Variants in HIVEP3 observed in about 807,000 individuals in gnomAD.
The protein encoded by HIVEP3 is transcription factor HIVEP3.
HIVEP3 carries 49 observed loss-of-function variants against 152.8 expected under a neutral mutation model. That is an observed-to-expected ratio of 0.32 (90% confidence interval 0.26 to 0.41). The LOEUF (loss-of-function observed/expected upper bound fraction) is 0.41, where lower values mean the gene tolerates loss of function less well. Ranked by LOEUF, HIVEP3 falls within the 10% of genes least tolerant of loss-of-function variation. HIVEP3 has a pLI of 1.00. For missense variants in HIVEP3, 2,790 were observed against 3,103.3 expected (o/e 0.90, Z 2.40); for synonymous variants, 1,269 against 1,289.0 (o/e 0.98, Z 0.33).
chr1:41,893,338 C>G (rs1420547799), intron 1 of HIVEP3, among the ~76,000 whole-genome samples: 15 of 152,166 alleles, frequency 9.9e-5, no homozygotes, highest in Non-Finnish European at 2.2e-4. Context: ...CTGCAAAACT[C>G]TCCAGGATAT....
chr1:41,512,751 T>G, intron 8 of HIVEP3, 65 bp downstream of exon 8: 1 of 1,296,170 alleles, frequency 7.7e-7, no homozygotes, highest in Non-Finnish European at 1.0e-6. Flanking sequence ...CCCAGGAGGG[T>G]GTGAACTTGC....
intron 5 of HIVEP3, among the ~76,000 whole-genome samples, chr1:41,553,090 CAGTG>C (rs1643913945): frequency 6.6e-6 from 1 of 152,178 alleles, no homozygotes; most frequent in Admixed American, 6.5e-5. Context: ...CTAGTATTGA[CAGTG>C]GGGAGTTAAA....
intron 1 of HIVEP3, among the ~76,000 whole-genome samples, chr1:41,908,559 T>G (rs577713423): frequency 4.6e-4 from 70 of 152,354 alleles, no homozygotes; most frequent in African/African-American, 1.6e-3. Flanking sequence ...GTTAATAGAC[T>G]TGGCATAGTC....
At chr1:41,544,829 C>CT (rs1558046182) in intron 5 of HIVEP3, among the ~76,000 whole-genome samples, 1 of 72,904 alleles carries the variant, frequency 1.4e-5, no homozygotes, top group South Asian at 4.6e-4. Context: ...CTACCACCAC[C>CT]ATCACCACCA....
At position 41,582,155 on chromosome 1, in the gene HIVEP3, A is replaced by G; in HGVS notation, c.2643T>C (p.Thr881=). 1 of 1,613,946 alleles carries G rather than the reference A, an allele frequency of 6.2e-7. No homozygotes were observed. Among genetic ancestry groups the G allele is most frequent in the Non-Finnish European group, 8.5e-7 (1 of 1,179,944 alleles). ...TGCGCTGGGGCCATTGGAACTCCTCAGTCTTCTCAGGTTCCTTAGGGGGCG... is the reference window on the plus strand; with the variant it reads ...TGCGCTGGGGCCATTGGAACTCCTCGGTCTTCTCAGGTTCCTTAGGGGGCG... ...PEPPPKEPEK[T]EEFQWPQRSQ... The change falls in exon 4 of 9, where the codon ACT becomes ACC. Residue 881 remains threonine (T), a synonymous_variant. Coordinates refer to ENST00000372583, the MANE Select transcript of HIVEP3 (RefSeq NM_024503.5). This position sits in a 1 kb window ranked among gnomAD's most constrained non-coding sequence, Gnocchi z 4.7.
intron 2 of HIVEP3, among the ~76,000 whole-genome samples, chr1:41,690,968 T>C (rs1646189443): frequency 6.6e-6 from 1 of 152,196 alleles, no homozygotes; most frequent in Admixed American, 6.5e-5. Context: ...GGAGCCAGAC[T>C]TCCTGGGTTC....
intron 1 of HIVEP3, among the ~76,000 whole-genome samples, chr1:41,714,831 T>C (rs1328460580): frequency 6.6e-6 from 1 of 152,214 alleles, no homozygotes; most frequent in African/African-American, 2.4e-5. Context: ...AAAAAGAAGA[T>C]GATATGCCAG....
chr1:41,779,903 C>A (rs1648939410), intron 1 of HIVEP3, among the ~76,000 whole-genome samples: 2 of 152,196 alleles, frequency 1.3e-5, no homozygotes, highest in African/African-American at 4.8e-5. Flanking sequence ...CGATGTGCAC[C>A]CCAGCTGTGT....
chr1:41,650,251 GC>G (rs1645527264), intron 2 of HIVEP3, among the ~76,000 whole-genome samples: 1 of 152,134 alleles, frequency 6.6e-6, no homozygotes, highest in African/African-American at 2.4e-5. Flanking sequence ...TAGACTGGCG[GC>G]CCCACAAGGG....
intron 5 of HIVEP3, among the ~76,000 whole-genome samples, chr1:41,530,432 C>G (rs577397008): frequency 6.6e-6 from 1 of 152,366 alleles, no homozygotes; most frequent in Non-Finnish European, 1.5e-5. Flanking sequence ...ATCTTAATTC[C>G]CATGTCCCTC....
At chr1:41,590,063 A>G (rs574269365) in intron 3 of HIVEP3, among the ~76,000 whole-genome samples, 4 of 152,346 alleles carry the variant, frequency 2.6e-5, no homozygotes, top group African/African-American at 7.2e-5. Flanking sequence ...GTGTGCATGT[A>G]TGCATGTGTG....
At chr1:41,745,696 G>A (rs1320474509) in intron 1 of HIVEP3, among the ~76,000 whole-genome samples, 1 of 152,226 alleles carries the variant, frequency 6.6e-6, no homozygotes, top group Admixed American at 6.5e-5. Context: ...TGTCTCTGAG[G>A]ACCCCAGTGA....
intron 5 of HIVEP3, among the ~76,000 whole-genome samples, chr1:41,528,258 C>T (rs1354615404): frequency 7.4e-6 from 1 of 135,720 alleles, no homozygotes; most frequent in Non-Finnish European, 1.6e-5. Context: ...CCTCACACCC[C>T]TCCACCCTCA....
chr1:41,580,096 G>C lies in HIVEP3; in HGVS notation c.4702C>G (p.Pro1568Ala). Residue 1568 changes from proline to alanine, a missense_variant, in exon 4 of 9, where the codon CCG (proline) becomes GCG (alanine). By Grantham distance (27) the Pro-to-Ala change is conservative. Transcript: ENST00000372583. Reference sequence around the variant, plus strand: ...GTTTCTGACAGAGGCAGAGAGCTCGGAGGTGCCAAGGAGGGGAGATCAGGT... The same window carrying C: ...GTTTCTGACAGAGGCAGAGAGCTCGCAGGTGCCAAGGAGGGGAGATCAGGT... ...EQPDLPSLAP[P>A]SSLPLSETSS... 6.2e-7 allele frequency: 1 copy of C among 1,614,244 alleles called. No individual in the cohort carries two copies. The highest frequency in any genetic ancestry group is 1.3e-5 in the African/African-American group (1 of 75,068).
chr1:41,705,329 A>C (rs1646417176), intron 1 of HIVEP3, among the ~76,000 whole-genome samples: 2 of 152,190 alleles, frequency 1.3e-5, no homozygotes, highest in Admixed American at 1.3e-4. Context: ...TATCCCTGGC[A>C]GAGGGTGTTC....
intron 1 of HIVEP3, among the ~76,000 whole-genome samples, chr1:41,892,022 G>A (rs559485612): frequency 6.6e-6 from 1 of 152,252 alleles, no homozygotes; most frequent in East Asian, 1.9e-4. Flanking sequence ...CCTTTCTATT[G>A]AAAAGAAATA....
intron 2 of HIVEP3, among the ~76,000 whole-genome samples, chr1:41,647,140 A>T (rs1234920580): frequency 3.3e-5 from 5 of 152,350 alleles, no homozygotes; most frequent in African/African-American, 7.2e-5. Flanking sequence ...GCTGATTGGC[A>T]ATCTTAATTC....
intron 1 of HIVEP3, among the ~76,000 whole-genome samples, chr1:41,893,748 TTA>T (rs900615800): frequency 6.8e-6 from 1 of 147,998 alleles, no homozygotes; most frequent in Non-Finnish European, 1.5e-5. Flanking sequence ...ACATATATAT[TTA>T]TATTCATATA....
intron 1 of HIVEP3, among the ~76,000 whole-genome samples, chr1:42,025,849 C>A (rs936625605): frequency 6.6e-6 from 1 of 152,152 alleles, no homozygotes; most frequent in Non-Finnish European, 1.5e-5. Flanking sequence ...CAGAACAGAT[C>A]GCTTGAACCC....
Sources: allele counts gnomAD v4.1 joint callset (sites outside exome capture counted in the v4.1 genomes callset), GRCh38; gene constraint gnomAD v4.1.1; non-coding constraint Gnocchi (gnomAD v3.1); transcripts MANE v1.5; gene names NCBI Gene and HGNC (gene_info 2026-07-23, HGNC 2026-07-21).